Variants in COL4A5 observed in about 807,000 individuals in gnomAD.
The protein encoded by COL4A5 is collagen type IV alpha 5 chain.
Under a neutral mutation model 130.2 loss-of-function variants are expected in COL4A5, and 26 were observed. The observed-to-expected ratio is 0.20, with a 90% CI of 0.15 to 0.28. COL4A5 has a LOEUF of 0.28. Ranked by LOEUF, COL4A5 falls within the 10% of genes least tolerant of loss-of-function variation. The pLI is 1.00. For missense variants in COL4A5, 1,131 were observed against 1,344.3 expected, an observed-to-expected ratio of 0.84 and a Z score of 2.48; for synonymous variants, 496 against 439.6, an observed-to-expected ratio of 1.13 and a Z score of -1.60.
At chrX:108,582,327 G>C (rs1476020011) in intron 16 of COL4A5, among the ~76,000 whole-genome samples, 2 of 111,389 alleles carry the variant, frequency 1.8e-5, no homozygotes, top group East Asian at 5.6e-4. Flanking sequence ...AACAAATTGG[G>C]GTTGCGGGGT....
chrX:108,655,302 C>A (rs987980353), intron 36 of COL4A5, 29 bp from the exon 37 acceptor site: 1 of 1,202,815 alleles, frequency 8.3e-7, no homozygotes, highest in African/African-American at 1.8e-5. Flanking sequence ...GTAGAGACTT[C>A]AGTATTATCT....
chrX:108,626,559 G>T, intron 36 of COL4A5: 1 of 1,131,627 alleles, frequency 8.8e-7, no homozygotes, highest in Non-Finnish European at 1.2e-6. Context: ...AAAACTTTCT[G>T]GTTTCTTTGT....
intron 1 of COL4A5, among the ~76,000 whole-genome samples, chrX:108,525,474 A>G (rs1338874914): frequency 9.0e-6 from 1 of 111,192 alleles, no homozygotes; most frequent in Non-Finnish European, 1.9e-5. Context: ...TAATCCATGC[A>G]CATTCAATGT....
chrX:108,534,698 T>A (rs1468599148), intron 1 of COL4A5, among the ~76,000 whole-genome samples: 1 of 111,458 alleles, frequency 9.0e-6, no homozygotes, highest in East Asian at 2.8e-4. Flanking sequence ...ATCTGTAAAT[T>A]AATTTTCACT....
intron 1 of COL4A5, 39 bp downstream of exon 1, chrX:108,440,245 C>A: frequency 1.0e-6 from 1 of 964,511 alleles, no homozygotes; most frequent in Non-Finnish European, 1.5e-6. Flanking sequence ...CATCACCGCT[C>A]TTTCACGCTG....
In COL4A5 at chrX:108,595,572, C is replaced by G; in HGVS notation, c.1487C>G (p.Pro496Arg). ...GGTATTTCAGGGCCTCCAGGTCAAC[C>G]TGGTTTGCCAGGTCTCCCAGGTCCT... ...GTGISGPPGQ[P>R]GLPGLPGPPG... is the part of the protein sequence containing the mutation. The change falls in exon 22 of 53, where the codon CCT becomes CGT. Residue 496 changes from proline (P) to arginine (R), a missense_variant. Transcript: ENST00000328300. 6 of 1,210,514 alleles carry G rather than the reference C, an allele frequency of 5.0e-6. No individual in the cohort carries two copies. Among genetic ancestry groups the G allele is most frequent in the Non-Finnish European group, 5.6e-6 (5 of 895,227 alleles).
intron 2 of COL4A5, among the ~76,000 whole-genome samples, chrX:108,543,540 A>T (rs758776563): frequency 5.4e-5 from 6 of 111,060 alleles, no homozygotes; most frequent in African/African-American, 1.3e-4. Flanking sequence ...GTCAGGTAGT[A>T]TGATGCCTCC....
intron 36 of COL4A5, among the ~76,000 whole-genome samples, chrX:108,636,179 G>T (rs1013390238): frequency 9.0e-6 from 1 of 111,704 alleles, no homozygotes; most frequent in South Asian, 3.7e-4. Flanking sequence ...GTCTGCAAAA[G>T]AATGAATCTG....
chrX:108,569,299 A>G (rs922552223), intron 6 of COL4A5, among the ~76,000 whole-genome samples: 13 of 112,491 alleles, frequency 1.2e-4, no homozygotes, highest in African/African-American at 4.2e-4. Flanking sequence ...ATCCGTTTTT[A>G]CTATAAACTG....
chrX:108,551,622 A>G (rs1371499228), intron 2 of COL4A5, among the ~76,000 whole-genome samples: 4 of 112,395 alleles, frequency 3.6e-5, no homozygotes, highest in African/African-American at 1.3e-4. Context: ...GAGATTCTTT[A>G]ATCAGTTCAG....
At chrX:108,580,794 G>A in intron 15 of COL4A5, 56 bp downstream of exon 15, 1 of 1,065,343 alleles carries the variant, frequency 9.4e-7, no homozygotes, top group Non-Finnish European at 1.3e-6. Context: ...GTGTGTGTGT[G>A]TGATTTTATT....
In COL4A5 at chrX:108,568,806, A is replaced by T; in HGVS notation, c.369A>T (p.Gly123=). 1 of 1,209,853 alleles carries T rather than the reference A, an allele frequency of 8.3e-7. No individual in the cohort carries two copies. Among genetic ancestry groups the T allele is most frequent in the Non-Finnish European group, 1.1e-6 (1 of 893,706 alleles). Residue 123 remains glycine, a synonymous_variant, in exon 6 of 53, where the codon GGA becomes GGT. Coordinates refer to ENST00000328300, the MANE Select transcript of COL4A5 (RefSeq NM_033380.3). ...DGAPGPQGIP[G]CNGTKGERGF... ...CCCCAGGACCTCAAGGTATTCCCGG[A>T]TGCAATGGAACCAAGGTGAGATCCA... is the stretch of plus-strand genomic sequence containing the variant.
At chrX:108,696,062 C>T (rs1487793725) in intron 52 of COL4A5, 17 of 358,362 alleles carry the variant, frequency 4.7e-5, no homozygotes, top group Non-Finnish European at 8.3e-5. Flanking sequence ...GAGAGGGAAA[C>T]ACAAATATAC....
intron 41 of COL4A5, among the ~76,000 whole-genome samples, chrX:108,669,109 C>T (rs191015348): frequency 1.2e-4 from 14 of 112,183 alleles, no homozygotes; most frequent in Non-Finnish European, 2.6e-4. Flanking sequence ...GTGTTCACTG[C>T]TCTAGTAGTC....
chrX:108,632,385 G>A (rs965070117), intron 36 of COL4A5, among the ~76,000 whole-genome samples: 2 of 110,733 alleles, frequency 1.8e-5, no homozygotes, highest in African/African-American at 3.3e-5. Context: ...ATTCACAGCC[G>A]AATTCTACCA....
rs368886081 is a variant in COL4A5 at position 108,445,004 on chromosome X, C to A, written c.81+4798C>A. Among the ~76,000 whole-genome samples, 4 of 110,571 alleles carry A rather than the reference C, an allele frequency of 3.6e-5. No individual in the cohort carries two copies. The East Asian group carries it at 1.1e-3, about 31-fold the overall frequency. ...ATTTCCTCATTGGCAAAAGGAAGGCCGTAGCACCTATCTCACATATTTTTT... is the reference window on the plus strand; with the variant it reads ...ATTTCCTCATTGGCAAAAGGAAGGCAGTAGCACCTATCTCACATATTTTTT... On this transcript the variant is annotated intron_variant, in intron 1 of 52. Transcript: ENST00000328300.
At chrX:108,636,241 C>T (rs1252936169) in intron 36 of COL4A5, among the ~76,000 whole-genome samples, 1 of 111,562 alleles carries the variant, frequency 9.0e-6, no homozygotes, top group Non-Finnish European at 1.9e-5. Context: ...GATTACTGAC[C>T]TAAATATAAG....
Position 108,681,834 on chromosome X carries a change from G to A in COL4A5, c.4162G>A (p.Gly1388Ser). The A allele has an allele frequency of 5.8e-6, 7 of 1,210,218 alleles. No individual in the cohort carries two copies. Among genetic ancestry groups the A allele is most frequent in the Non-Finnish European group, 7.8e-6 (7 of 894,703 alleles). Residue 1388 changes from glycine to serine, a missense_variant, in exon 47 of 53, where the codon GGC becomes AGC. Physicochemically the swap from Gly to Ser is moderately conservative, Grantham distance 56. Coordinates refer to ENST00000328300, the MANE Select transcript of COL4A5 (RefSeq NM_033380.3). Reference protein sequence around the residue: ...KGDAGPPGIPGQPGLKGLPGP... With the variant: ...KGDAGPPGIPSQPGLKGLPGP... Reference sequence around the variant, plus strand: ...AGATGCTGGTCCTCCAGGAATCCCTGGCCAGCCTGGGCTAAAGGGTCTACC... The same window carrying A: ...AGATGCTGGTCCTCCAGGAATCCCTAGCCAGCCTGGGCTAAAGGGTCTACC...
chrX:108,645,612 G>A (rs1171627184), intron 36 of COL4A5, among the ~76,000 whole-genome samples: 17 of 106,795 alleles, frequency 1.6e-4, no homozygotes, highest in Non-Finnish European at 2.9e-4. Context: ...TAAGCTTTAG[G>A]GTACATGTGC....
Sources: gnomAD v4.1 joint callset for allele counts (sites outside exome capture counted in the v4.1 genomes callset) on GRCh38, gnomAD v4.1.1 for gene constraint, MANE v1.5 for transcripts, NCBI Gene and HGNC (gene_info 2026-07-23, HGNC 2026-07-21) for gene names.